The following SF3A1 variants were observed in gnomAD, a reference collection of about 807,000 sequenced individuals.
SF3A1 encodes the protein SAP 114.
In SF3A1, 13 loss-of-function variants were observed where a neutral mutation model predicts 89.9. The observed-to-expected ratio is 0.14, with a 90% confidence interval of 0.09 to 0.23. SF3A1 has a LOEUF of 0.23. SF3A1 is among the 10% of genes least tolerant of loss of function. The probability of loss-of-function intolerance (pLI) is 1.00; values close to 1 mark genes in which losing one functional copy is unlikely to be tolerated. For synonymous variants in SF3A1, 405 were observed against 374.4 expected (o/e 1.08, Z -0.94); for missense variants, 604 against 1,022.1 (o/e 0.59, Z 5.58).
chr22:30,354,709 C>G (rs576806812), intron 1 of SF3A1, among the ~76,000 whole-genome samples: 1 of 152,190 alleles, frequency 6.6e-6, no homozygotes, highest in African/African-American at 2.4e-5. Context: ...CCCAGTCACC[C>G]ATGCCAGAAA....
chr22:30,340,754 G>A lies in SF3A1; in HGVS notation c.1130C>T (p.Pro377Leu). ...KVPPPPETPM[P>L]PPLPPTPDQV... ...GTCTGGAGTTGGGGGCAGAGGTGGA[G>A]GCATGGGTGTCTCTGGGGGTGGGGG... The change falls in exon 8 of 16, where the codon CCT becomes CTT. Residue 377 changes from proline (P) to leucine (L), a missense_variant. Coordinates refer to ENST00000215793, the MANE Select transcript of SF3A1 (RefSeq NM_005877.6). 5.0e-6 allele frequency: 8 copies of A among 1,604,432 alleles called. No individual in the cohort carries two copies. Among genetic ancestry groups the A allele is most frequent in the Non-Finnish European group, 6.8e-6 (8 of 1,176,186 alleles).
intron 10 of SF3A1, 25 bp from the exon 11 acceptor site, chr22:30,339,059 T>C (rs757337947): frequency 1.2e-6 from 2 of 1,613,872 alleles, no homozygotes; most frequent in East Asian, 2.2e-5. Context: ...AAAGCCACAA[T>C]GCTTCTGGAA....
At chr22:30,353,984 A>G (rs1340266132) in intron 1 of SF3A1, among the ~76,000 whole-genome samples, 1 of 152,224 alleles carries the variant, frequency 6.6e-6, no homozygotes, top group African/African-American at 2.4e-5. Context: ...GAAATGGGAA[A>G]CTATCTGCTG....
At chr22:30,342,616 A>C (rs1931295294) in intron 5 of SF3A1, 189 bp downstream of exon 5, 2 of 624,378 alleles carry the variant, frequency 3.2e-6, no homozygotes, top group Admixed American at 5.9e-5. Flanking sequence ...CTGAGAGCAA[A>C]GCAGAAAGTT....
chr22:30,356,006 C>T (rs190594592), intron 1 of SF3A1, among the ~76,000 whole-genome samples: 2 of 152,280 alleles, frequency 1.3e-5, no homozygotes, highest in Admixed American at 1.3e-4. Context: ...TCCCTTCTAG[C>T]CCAGCAAACA....
chr22:30,332,053 G>A lies in SF3A1; in HGVS notation c.*2541C>T, dbSNP rs1930934684. The A allele has an allele frequency of 5.9e-5, 9 of 152,272 alleles. No homozygotes were observed. In the South Asian group the frequency reaches 1.9e-3, roughly 32 times the overall value. 9.4% of individuals were successfully genotyped at this position (152,272 alleles called of 1,614,324 possible). ...TTCTAAAAATCTTATACACTGGTAT[G>A]TGTACCCATGAGTAGAGCTATATTA... On this transcript the variant is annotated 3_prime_UTR_variant, in exon 16 of 16. Transcript: ENST00000215793.
intron 2 of SF3A1, among the ~76,000 whole-genome samples, chr22:30,347,024 T>G (rs1569173804): frequency 6.6e-6 from 1 of 152,172 alleles, no homozygotes; most frequent in Admixed American, 6.5e-5. Context: ...AAAAGGTACA[T>G]GAGCACCAAA....
chr22:30,356,859 C>G lies in SF3A1; in HGVS notation c.-67G>C. On this transcript the variant is annotated 5_prime_UTR_variant, in exon 1 of 16. Transcript: ENST00000215793. ...GAGCGGTGCCGCCTCAAGACAGCCTCCCCGCTCGGTCAGTACGACGAGCTC... is the reference window on the plus strand; with the variant it reads ...GAGCGGTGCCGCCTCAAGACAGCCTGCCCGCTCGGTCAGTACGACGAGCTC... 1 of 1,243,308 alleles carries G rather than the reference C, an allele frequency of 8.0e-7. No homozygotes were observed. The highest frequency in any genetic ancestry group is 1.0e-6 in the Non-Finnish European group (1 of 978,112). The allele number at this position is 1,243,308 out of a possible 1,614,324, so 77.0% of individuals were successfully genotyped here. A position where few individuals can be genotyped will look rare whatever the true frequency, so the allele number is the denominator to read the frequency against.
intron 4 of SF3A1, 81 bp from the exon 5 acceptor site, chr22:30,342,960 A>C: frequency 4.7e-6 from 4 of 854,446 alleles, no homozygotes; most frequent in Non-Finnish European, 7.8e-6. Context: ...CCTGTGATAA[A>C]GCACAGGAGA....
intron 2 of SF3A1, among the ~76,000 whole-genome samples, chr22:30,346,801 T>G (rs935983967): frequency 3.0e-4 from 46 of 152,206 alleles, no homozygotes; most frequent in African/African-American, 1.1e-3. Context: ...CTATCGCTCA[T>G]TTCTTTTAAT....
At chr22:30,351,728 G>C (rs1160213968) in intron 2 of SF3A1, among the ~76,000 whole-genome samples, 1 of 152,144 alleles carries the variant, frequency 6.6e-6, no homozygotes, top group Non-Finnish European at 1.5e-5. Flanking sequence ...AAATTCCTGA[G>C]TTCAAGTGAT....
Position 30,342,860 on chromosome 22 carries a change from C to T in SF3A1, c.671G>A (p.Gly224Asp). The T allele has an allele frequency of 6.2e-7, 1 of 1,612,404 alleles. No individual in the cohort carries two copies. Among genetic ancestry groups the T allele is most frequent in the Non-Finnish European group, 8.5e-7 (1 of 1,178,934 alleles). ...QYTKILIPPKGLFSKLKKEAE... is the reference protein window; with the variant it reads ...QYTKILIPPKDLFSKLKKEAE... ...CTCTTTCTTGAGCTTTGAAAATAAA[C>T]CTTTGGGTGGAATCAAGATCTGAAA... The change falls in exon 5 of 16, where the codon GGT (glycine) becomes GAT (aspartate). Residue 224 changes from glycine (G) to aspartate (D), a missense_variant. By Grantham distance (94) the Gly-to-Asp change is moderately conservative (BLOSUM62 -1). Coordinates refer to ENST00000215793, the MANE Select transcript of SF3A1 (RefSeq NM_005877.6).
Position 30,337,726 on chromosome 22 carries a change from T to C in SF3A1, c.1915A>G (p.Met639Val). Residue 639 changes from methionine to valine, a missense_variant, in exon 12 of 16, where the codon ATG (methionine) becomes GTG (valine). Met to Val is a conservative substitution (Grantham distance 21). This residue lies in a region of SF3A1 where 85 missense variants were observed against 137.3 expected (regional missense o/e 0.62). Transcript: ENST00000215793. The stretch of plus-strand genomic sequence containing the variant: ...ATCATGGGGGGTGGGCGGGGGGCCA[T>C]AATAGGAGGGGCCGAGGGAGGCATG... The part of the protein sequence containing the change: ...VPMPPSAPPI[M>V]APRPPPMIVP... The C allele has an allele frequency of 9.5e-7, 1 of 1,057,298 alleles. No homozygotes were observed. The highest frequency in any genetic ancestry group is 1.4e-6 in the Non-Finnish European group (1 of 725,144). The allele number at this position is 1,057,298 out of a possible 1,614,324, so 65.5% of individuals were successfully genotyped here.
At chr22:30,344,141 T>C (rs1220494099) in intron 4 of SF3A1, among the ~76,000 whole-genome samples, 1 of 152,246 alleles carries the variant, frequency 6.6e-6, no homozygotes, top group Non-Finnish European at 1.5e-5. Context: ...ATTGAGTTCT[T>C]AGGGTCTGGA....
chr22:30,337,163 G>C lies in SF3A1; in HGVS notation c.1969C>G (p.Pro657Ala), dbSNP rs1040503082. Residue 657 changes from proline (P) to alanine (A), a missense_variant, in exon 13 of 16, where the codon CCT becomes GCT. Around this residue, in one of 9 missense-constraint regions of SF3A1, gnomAD observed 45 missense variants for 41.1 expected, o/e 1.09. Transcript: ENST00000215793. ...GCTGGAGCTGGGACAGGTGCCACAG[G>C]TGGAGCAGGCACAAAGGCTGCAAAG... ...IVPTAFVPAPPVAPVPAPAPM... is the reference protein window; with the variant it reads ...IVPTAFVPAPAVAPVPAPAPM... 14 of 1,612,324 alleles carry C rather than the reference G, an allele frequency of 8.7e-6. No individual in the cohort carries two copies. Among genetic ancestry groups the C allele is most frequent in the Non-Finnish European group, 1.2e-5 (14 of 1,179,166 alleles).
chr22:30,350,295 C>CA (rs1475751236), intron 2 of SF3A1, among the ~76,000 whole-genome samples: 4 of 117,876 alleles, frequency 3.4e-5, no homozygotes, highest in Non-Finnish European at 7.9e-5. Flanking sequence ...CCCATCTATA[C>CA]AAAAAAACTA....
In SF3A1 at chr22:30,345,112, A is replaced by T; in HGVS notation, c.472T>A (p.Ser158Thr). 6.2e-7 allele frequency: 1 copy of T among 1,614,212 alleles called. No individual in the cohort carries two copies. The highest frequency in any genetic ancestry group is 8.5e-7 in the Non-Finnish European group (1 of 1,180,040). Residue 158 changes from serine (S) to threonine (T), a missense_variant, in exon 4 of 16, where the codon TCT becomes ACT. Transcript: ENST00000215793. ...PEFEFIADPP[S>T]ISAFDLDVVK... ...ACATCCAAGTCGAAGGCTGAGATAG[A>T]GGGAGGATCAGCAATGAACTCAAAC...
In SF3A1 at chr22:30,337,784, G is replaced by C; in HGVS notation, c.1857C>G (p.Pro619=). Residue 619 remains proline, a synonymous_variant, in exon 12 of 16, where the codon CCC becomes CCG. Coordinates refer to ENST00000215793, the MANE Select transcript of SF3A1 (RefSeq NM_005877.6). ...CGTTGATTCTGGGCGCGTGGATGAT[G>C]GGCGGCATGGGGGCGATCACTGAGC... ...PPGSVIAPMP[P]IIHAPRINVV... 1 of 1,597,738 alleles carries C rather than the reference G, an allele frequency of 6.3e-7. No individual in the cohort carries two copies.
chr22:30,337,772 C>T lies in SF3A1; in HGVS notation c.1869G>A (p.Ala623=), dbSNP rs139392141. 1.6e-5 allele frequency: 26 copies of T among 1,590,236 alleles called. No homozygotes were observed. In the African/African-American group the frequency reaches 2.0e-4, roughly 12 times the overall value. ...VIAPMPPIIH[A]PRINVVPMPP... Reference sequence around the variant, plus strand: ...GCATGGGCACCACGTTGATTCTGGGCGCGTGGATGATGGGCGGCATGGGGG... The same window carrying T: ...GCATGGGCACCACGTTGATTCTGGGTGCGTGGATGATGGGCGGCATGGGGG... Residue 623 remains alanine, a synonymous_variant, in exon 12 of 16, where the codon GCG becomes GCA. Coordinates refer to ENST00000215793, the MANE Select transcript of SF3A1 (RefSeq NM_005877.6).
Sources: allele counts gnomAD v4.1 joint callset (sites outside exome capture counted in the v4.1 genomes callset), GRCh38; gene constraint gnomAD v4.1.1; regional missense constraint gnomAD v4.1.1; transcripts MANE v1.5; gene names NCBI Gene and HGNC (gene_info 2026-07-23, HGNC 2026-07-21).